MARCHF1: variants seen among roughly 807,000 people sequenced by gnomAD.
MARCHF1 encodes E3 ubiquitin-protein ligase MARCHF1.
In MARCHF1, 40 loss-of-function variants were observed where a neutral mutation model predicts 54.2. The observed-to-expected ratio is 0.74, with a 90% CI of 0.57 to 0.96. MARCHF1 has a LOEUF of 0.96. Among genes scored for constraint, MARCHF1 ranks in the 40% least tolerant of loss-of-function variants. The pLI, the probability that MARCHF1 is intolerant of heterozygous loss-of-function variation, is 0.00. For synonymous variants in MARCHF1, 236 were observed against 236.3 expected, an observed-to-expected ratio of 1.00 and a Z score of 0.01; for missense variants, 586 against 656.5, an observed-to-expected ratio of 0.89 and a Z score of 1.17.
intron 9 of MARCHF1, 108 bp from the exon 10 acceptor site, chr4:163,529,154 G>T: frequency 2.7e-6 from 2 of 729,988 alleles, no homozygotes; most frequent in Non-Finnish European, 4.5e-6. Context: ...TCTAGATTAT[G>T]TATGTTAACA....
intron 4 of MARCHF1, among the ~76,000 whole-genome samples, chr4:163,832,362 C>A (rs2111098378): frequency 6.6e-6 from 1 of 152,218 alleles, no homozygotes; most frequent in East Asian, 1.9e-4. Flanking sequence ...TCATTTCAAG[C>A]TTCTATCGTT....
intron 4 of MARCHF1, among the ~76,000 whole-genome samples, chr4:163,813,146 T>C (rs942238244): frequency 2.0e-5 from 3 of 152,084 alleles, no homozygotes; most frequent in Non-Finnish European, 4.4e-5. Context: ...TCTCAGCTCA[T>C]ACACTTGCCA....
chr4:163,994,033 C>G (rs1178267547), intron 2 of MARCHF1, among the ~76,000 whole-genome samples: 1 of 152,058 alleles, frequency 6.6e-6, no homozygotes, highest in Non-Finnish European at 1.5e-5. Context: ...TGTTAATGTT[C>G]TCTGTAGCTT....
chr4:163,751,107 C>T (rs1449504417), intron 4 of MARCHF1, among the ~76,000 whole-genome samples: 2 of 151,274 alleles, frequency 1.3e-5, no homozygotes, highest in Admixed American at 6.6e-5. Flanking sequence ...ATAAAGAACA[C>T]GACAGAGGTG....
chr4:164,006,823 T>C (rs1422354064), intron 2 of MARCHF1, among the ~76,000 whole-genome samples: 1 of 151,264 alleles, frequency 6.6e-6, no homozygotes, highest in Non-Finnish European at 1.5e-5. Flanking sequence ...AACATTTACG[T>C]AGTAGACAAA....
intron 4 of MARCHF1, among the ~76,000 whole-genome samples, chr4:163,774,561 G>C (rs548575499): frequency 4.9e-4 from 72 of 146,366 alleles, no homozygotes; most frequent in South Asian, 2.6e-3. Flanking sequence ...GCAATGGTGT[G>C]ATCTCAGCTC....
At chr4:163,937,748 C>T (rs1303124538) in intron 3 of MARCHF1, among the ~76,000 whole-genome samples, 2 of 152,116 alleles carry the variant, frequency 1.3e-5, no homozygotes, top group African/African-American at 4.8e-5. Flanking sequence ...GGCCAAGTGG[C>T]TGTTTCAACT....
At chr4:163,576,651 A>G (rs1372062301) in intron 8 of MARCHF1, among the ~76,000 whole-genome samples, 2 of 152,084 alleles carry the variant, frequency 1.3e-5, no homozygotes, top group Admixed American at 1.3e-4. Flanking sequence ...GCCCACTGAC[A>G]TAGGCACACA....
chr4:164,197,005 T>G (rs2111068817), intron 1 of MARCHF1: 1 of 1,604,886 alleles, frequency 6.2e-7, no homozygotes, highest in Middle Eastern at 1.7e-4. Context: ...ATCTTCAGGT[T>G]CTCATTTTCG....
chr4:164,157,127 T>C (rs1276452711), intron 1 of MARCHF1, among the ~76,000 whole-genome samples: 1 of 152,004 alleles, frequency 6.6e-6, no homozygotes. Context: ...TCTCCATAGA[T>C]GGAAAATCTT....
intron 2 of MARCHF1, among the ~76,000 whole-genome samples, chr4:164,035,759 T>TA (rs1190738489): frequency 1.4e-4 from 20 of 147,222 alleles, no homozygotes; most frequent in Admixed American, 4.1e-4. Flanking sequence ...TTACATAGAT[T>TA]AAAAAAAAAA....
intron 1 of MARCHF1, among the ~76,000 whole-genome samples, chr4:164,301,429 A>C (rs993863660): frequency 2.0e-5 from 3 of 152,242 alleles, no homozygotes; most frequent in Admixed American, 6.5e-5. Flanking sequence ...AGGCTGTCTT[A>C]AGAAGGCAGG....
At chr4:164,197,751 G>A (rs1441969676) in intron 1 of MARCHF1, 12 of 1,610,240 alleles carry the variant, frequency 7.5e-6, no homozygotes, top group Admixed American at 1.7e-5. Context: ...CGTGCCAGCC[G>A]AATTCAATCA....
chr4:163,950,131 G>A (rs1032917815), intron 3 of MARCHF1, among the ~76,000 whole-genome samples: 3 of 152,138 alleles, frequency 2.0e-5, no homozygotes, highest in East Asian at 1.9e-4. Flanking sequence ...TTTCACTGGC[G>A]ACCCACCCCT....
chr4:164,161,536 T>TCAC (rs954379757), intron 1 of MARCHF1, among the ~76,000 whole-genome samples: 1 of 149,910 alleles, frequency 6.7e-6, no homozygotes, highest in Non-Finnish European at 1.5e-5. Flanking sequence ...ATCATCATCA[T>TCAC]CATCATCATC....
intron 8 of MARCHF1, among the ~76,000 whole-genome samples, chr4:163,580,325 G>A (rs1252295164): frequency 6.6e-6 from 1 of 152,026 alleles, no homozygotes; most frequent in East Asian, 1.9e-4. Flanking sequence ...TGATCCGCCC[G>A]CCTCGGCCTC....
intron 1 of MARCHF1, among the ~76,000 whole-genome samples, chr4:164,274,467 G>GA (rs536786672): frequency 1.1e-4 from 17 of 151,566 alleles, no homozygotes; most frequent in African/African-American, 3.4e-4. Flanking sequence ...GGATTAGCTA[G>GA]AAAAAAAATT....
chr4:163,636,179 C>T (rs200961200), intron 5 of MARCHF1, among the ~76,000 whole-genome samples: 58,688 of 151,664 alleles, frequency 0.39, 12,186 homozygotes, highest in East Asian at 0.59. Flanking sequence ...GTTTGAAAAC[C>T]GGCACAAGAC....
At chr4:164,354,125 T>C (rs369624503) in intron 1 of MARCHF1, among the ~76,000 whole-genome samples, 7 of 93,346 alleles carry the variant, frequency 7.5e-5, no homozygotes, top group African/African-American at 2.3e-4. Context: ...TAATCAATAG[T>C]TTACCAACCA....
Sources: gnomAD v4.1 joint callset for allele counts (sites outside exome capture counted in the v4.1 genomes callset) on GRCh38, gnomAD v4.1.1 for gene constraint, MANE v1.5 for transcripts, NCBI Gene and HGNC (gene_info 2026-07-23, HGNC 2026-07-21) for gene names.